Variants in TBCEL observed in about 807,000 individuals in gnomAD.
TBCEL encodes the protein tubulin folding cofactor E like.
A neutral mutation model predicts 44.2 loss-of-function variants in TBCEL; 15 were observed. The observed-to-expected ratio is 0.34, with a 90% CI of 0.23 to 0.52. The LOEUF (loss-of-function observed/expected upper bound fraction) is 0.52. Among genes scored for constraint, TBCEL ranks in the 20% least tolerant of loss-of-function variants. The pLI, the probability that TBCEL is intolerant of heterozygous loss-of-function variation, is 0.95. For synonymous variants in TBCEL, 171 were observed against 185.4 expected (o/e 0.92, Z 0.63); for missense variants, 319 against 506.3 (o/e 0.63, Z 3.55).
At chr11:121,047,459 T>C in intron 3 of TBCEL, 69 bp from the exon 4 acceptor site, 1 of 1,576,280 alleles carries the variant, frequency 6.3e-7, no homozygotes, top group Admixed American at 1.8e-5. Context: ...TGACACTTCC[T>C]GGGGGCTGAA....
At chr11:121,048,318 G>GT (rs1945470030) in intron 4 of TBCEL, among the ~76,000 whole-genome samples, 1 of 151,762 alleles carries the variant, frequency 6.6e-6, no homozygotes, top group Admixed American at 6.6e-5. Context: ...CCCTTGGGTG[G>GT]TTTGACATAA....
At chr11:121,068,005 C>A (rs1318455934) in intron 8 of TBCEL, among the ~76,000 whole-genome samples, 1 of 152,176 alleles carries the variant, frequency 6.6e-6, no homozygotes, top group Non-Finnish European at 1.5e-5. Flanking sequence ...TTGAGTTACC[C>A]CAGGACTTAG....
intron 2 of TBCEL, among the ~76,000 whole-genome samples, chr11:121,041,776 C>T (rs1241542535): frequency 1.3e-5 from 2 of 151,872 alleles, no homozygotes; most frequent in African/African-American, 2.4e-5. Context: ...GTTACATTAC[C>T]AATCCATTTC....
rs1591428777 is a variant in TBCEL at position 121,089,017 on chromosome 11, G to A, written c.*1921G>A. ...ACAGATTTTTGGAAGTAGGAAAAAA[G>A]TATGGCAACAGTGTCATGAAGATTG... On this transcript the variant is annotated 3_prime_UTR_variant, in exon 9 of 9. Transcript: ENST00000683345. 6.6e-6 allele frequency: 1 copy of A among 152,296 alleles called. No individual in the cohort carries two copies. The highest frequency in any genetic ancestry group is 2.4e-5 in the African/African-American group (1 of 41,576). 9.4% of individuals were successfully genotyped at this position (152,296 alleles called of 1,614,324 possible).
chr11:121,067,732 A>G (rs1001810714), intron 8 of TBCEL, among the ~76,000 whole-genome samples: 10 of 152,172 alleles, frequency 6.6e-5, no homozygotes, highest in Admixed American at 3.9e-4. Flanking sequence ...AGGTAGCTGG[A>G]AAGATGTCCT....
intron 2 of TBCEL, among the ~76,000 whole-genome samples, chr11:121,037,979 A>C (rs1434936214): frequency 6.9e-6 from 1 of 145,250 alleles, no homozygotes; most frequent in African/African-American, 2.6e-5. Context: ...TTTTTTTTTT[A>C]GACGGAGTCT....
chr11:121,064,975 G>A (rs1287555779), intron 8 of TBCEL, among the ~76,000 whole-genome samples: 2 of 151,944 alleles, frequency 1.3e-5, no homozygotes, highest in African/African-American at 2.4e-5. Context: ...ACAGGCGCCC[G>A]CCACCACGCC....
chr11:121,034,598 T>C (rs1307700832), intron 1 of TBCEL, among the ~76,000 whole-genome samples: 1 of 152,192 alleles, frequency 6.6e-6, no homozygotes, highest in African/African-American at 2.4e-5. Flanking sequence ...AGCACATTTA[T>C]GGGGTGTCAA....
intron 4 of TBCEL, among the ~76,000 whole-genome samples, chr11:121,048,121 A>G (rs1245426302): frequency 6.6e-6 from 1 of 151,864 alleles, no homozygotes; most frequent in African/African-American, 2.4e-5. Flanking sequence ...TTAAACTGCT[A>G]ACAGTGCATT....
intron 4 of TBCEL, among the ~76,000 whole-genome samples, chr11:121,053,046 A>C (rs1429802041): frequency 6.6e-6 from 1 of 151,738 alleles, no homozygotes; most frequent in African/African-American, 2.4e-5. Context: ...TCTTTGAACC[A>C]AATTGAAACT....
At position 121,060,346 on chromosome 11, in the gene TBCEL, G is replaced by A. The variant is rs188033799; in HGVS notation, c.956+261G>A. Among the ~76,000 whole-genome samples, 28 of 151,994 alleles carry A rather than the reference G, an allele frequency of 1.8e-4. No individual in the cohort carries two copies. In the East Asian group the frequency reaches 4.6e-3, roughly 25 times the overall value. On this transcript the variant is annotated intron_variant, in intron 8 of 8. Coordinates refer to ENST00000683345, the MANE Select transcript of TBCEL (RefSeq NM_001363644.2). Reference sequence around the variant, plus strand: ...TTTGACAATTCCAGTAGTTCCTGCTGCATACTCCATATCACTGATTCTTTT... The same window carrying A: ...TTTGACAATTCCAGTAGTTCCTGCTACATACTCCATATCACTGATTCTTTT...
chr11:121,073,343 T>C lies in TBCEL; in HGVS notation c.956+13258T>C, dbSNP rs374608476. ...TTCCTTCAGTAATGTTTTCTAATTTTCTTGCAAAGGCCTTTGCATTTTTGT... is the reference window on the plus strand; with the variant it reads ...TTCCTTCAGTAATGTTTTCTAATTTCCTTGCAAAGGCCTTTGCATTTTTGT... On this transcript the variant is annotated intron_variant, in intron 8 of 8. Coordinates refer to ENST00000683345, the MANE Select transcript of TBCEL (RefSeq NM_001363644.2). Among the ~76,000 whole-genome samples the C allele has an allele frequency of 3.4e-4, 51 of 152,114 alleles. No homozygotes were observed. In the South Asian group the frequency reaches 0.011, roughly 32 times the overall value.
chr11:121,064,950 C>T (rs1183514621), intron 8 of TBCEL, among the ~76,000 whole-genome samples: 3 of 152,032 alleles, frequency 2.0e-5, no homozygotes, highest in East Asian at 1.9e-4. Context: ...CTCAGCCTCC[C>T]GAGTAGCTGG....
At position 121,055,110 on chromosome 11, in the gene TBCEL, T is replaced by C; in HGVS notation, c.514T>C (p.Cys172Arg). The change falls in exon 6 of 9, where the codon TGC becomes CGC. Residue 172 changes from cysteine to arginine, a missense_variant. Physicochemically the swap from Cys to Arg is radical, Grantham distance 180. Transcript: ENST00000683345. ...DYETVSCPSICCHSLKLLHIT... is the reference protein window; with the variant it reads ...DYETVSCPSIRCHSLKLLHIT... ...TGAAACAGTGTCTTGTCCTTCTATT[T>C]GCTGTCATTCTCTTAAGCTACTACA... 7.5e-6 allele frequency: 12 copies of C among 1,604,578 alleles called. No individual in the cohort carries two copies. Among genetic ancestry groups the C allele is most frequent in the Admixed American group, 1.7e-5 (1 of 59,426 alleles).
chr11:121,080,765 T>A (rs1946110461), intron 8 of TBCEL, among the ~76,000 whole-genome samples: 1 of 152,204 alleles, frequency 6.6e-6, no homozygotes, highest in Non-Finnish European at 1.5e-5. Flanking sequence ...TACATGTGAC[T>A]GAATTGTGAT....
At chr11:121,074,613 T>C (rs1946000284) in intron 8 of TBCEL, among the ~76,000 whole-genome samples, 1 of 151,910 alleles carries the variant, frequency 6.6e-6, no homozygotes, top group Admixed American at 6.6e-5. Flanking sequence ...TGACATAAAT[T>C]TTACCCCTTT....
In TBCEL at chr11:121,086,305, G is replaced by A. The variant is rs527626387; in HGVS notation, c.957-473G>A. On this transcript the variant is annotated intron_variant, in intron 8 of 8. Transcript: ENST00000683345. ...AACAAGGCATCTCTGAAAGAGCTTG[G>A]TTAATTAGTAACAAAGAACTACATG... Among the ~76,000 whole-genome samples, 4 of 152,274 alleles carry A rather than the reference G, an allele frequency of 2.6e-5. No individual in the cohort carries two copies. In the South Asian group the frequency reaches 8.3e-4, roughly 32 times the overall value.
rs1945567099 is a variant in TBCEL, at chr11:121,053,564, T to C, written c.287T>C (p.Val96Ala). The change falls in exon 5 of 9, where the codon GTG (valine) becomes GCG (alanine). Residue 96 changes from valine (V) to alanine (A), a missense_variant. Physicochemically the swap from Val to Ala is moderately conservative, Grantham distance 64. Coordinates refer to ENST00000683345, the MANE Select transcript of TBCEL (RefSeq NM_001363644.2). ...LEDWHEVSKI[V>A]SNVPQLEFLN... ...TTTTCTCCTTAGGTCAGTAAAATTG[T>C]GTCAAATGTTCCTCAGTTGGAGTTT... 1 of 1,611,970 alleles carries C rather than the reference T, an allele frequency of 6.2e-7. No homozygotes were observed. The highest frequency in any genetic ancestry group is 1.3e-5 in the African/African-American group (1 of 74,744).
Position 121,087,170 on chromosome 11 carries a change from T to A in TBCEL, c.*74T>A, listed in dbSNP as rs527566258. The A allele has an allele frequency of 5.2e-5, 72 of 1,394,434 alleles. No individual in the cohort carries two copies. The South Asian group carries it at 9.4e-4, about 18-fold the overall frequency. The allele number at this position is 1,394,434 out of a possible 1,614,324, so 86.4% of individuals were successfully genotyped here. ...CATTTGTTTTTAATGTGGTTTTCTT[T>A]AGGAGGGAGAGGTTGTTTTTGTTTT... On this transcript the variant is annotated 3_prime_UTR_variant, in exon 9 of 9. Coordinates refer to ENST00000683345, the MANE Select transcript of TBCEL (RefSeq NM_001363644.2).
Sources: gnomAD v4.1 joint callset for allele counts (sites outside exome capture counted in the v4.1 genomes callset) on GRCh38, gnomAD v4.1.1 for gene constraint, MANE v1.5 for transcripts, NCBI Gene and HGNC (gene_info 2026-07-23, HGNC 2026-07-21) for gene names.